RBFOX1: variants seen among roughly 807,000 people sequenced by gnomAD.
The protein encoded by RBFOX1 is RNA binding protein fox-1 homolog 1.
In RBFOX1, 8 loss-of-function variants were observed where a neutral mutation model predicts 57.7. That is an observed-to-expected ratio of 0.14 (90% CI 0.08 to 0.25). RBFOX1 has a LOEUF of 0.25. Among genes scored for constraint, RBFOX1 ranks in the 10% least tolerant of loss-of-function variants. The probability of loss-of-function intolerance (pLI) is 1.00; values close to 1 mark genes in which losing one functional copy is unlikely to be tolerated. For missense variants in RBFOX1, 611 were observed against 548.5 expected (o/e 1.11, Z -1.14); for synonymous variants, 326 against 222.4 (o/e 1.47, Z -4.15).
chr16:5,969,725 G>A (rs575013769), intron 4 of RBFOX1, among the ~76,000 whole-genome samples: 1 of 151,916 alleles, frequency 6.6e-6, no homozygotes, highest in Non-Finnish European at 1.5e-5. Flanking sequence ...TTTTCATGTA[G>A]TTTTAAAAAA....
chr16:5,993,382 TGTGA>T (rs1421324594), intron 4 of RBFOX1, among the ~76,000 whole-genome samples: 33 of 31,992 alleles, frequency 1.0e-3, no homozygotes, highest in Non-Finnish European at 1.7e-3. Context: ...TGTGTGTGTG[TGTGA>T]GAGAGAGAGA....
intron 1 of RBFOX1, among the ~76,000 whole-genome samples, chr16:6,281,898 C>T (rs573685227): frequency 3.4e-4 from 51 of 152,164 alleles, no homozygotes; most frequent in African/African-American, 1.2e-3. Context: ...ACAAGGCTAC[C>T]CCACTGCCCG....
intron 7 of RBFOX1, among the ~76,000 whole-genome samples, chr16:7,591,174 G>C (rs889184110): frequency 6.2e-4 from 95 of 152,166 alleles, no homozygotes; most frequent in African/African-American, 2.2e-3. Context: ...GGAGGGGAAA[G>C]AGGGATGTGT....
chr16:6,411,139 G>A (rs1422221774), intron 2 of RBFOX1, among the ~76,000 whole-genome samples: 2 of 152,124 alleles, frequency 1.3e-5, no homozygotes, highest in South Asian at 2.1e-4. Flanking sequence ...CATCACATAT[G>A]GCCAATTGTT....
chr16:7,493,556 C>T (rs531676082), intron 4 of RBFOX1, among the ~76,000 whole-genome samples: 1 of 151,716 alleles, frequency 6.6e-6, no homozygotes, highest in Admixed American at 6.6e-5. Flanking sequence ...ACAGTACTTA[C>T]AAGGGGGAAC....
At chr16:7,416,280 T>C (rs2098476997) in intron 4 of RBFOX1, among the ~76,000 whole-genome samples, 1 of 152,244 alleles carries the variant, frequency 6.6e-6, no homozygotes, top group South Asian at 2.1e-4. Flanking sequence ...CTCAGACTAC[T>C]CTGTGCCCGG....
At chr16:6,939,418 G>T (rs911820198) in intron 3 of RBFOX1, among the ~76,000 whole-genome samples, 1 of 151,210 alleles carries the variant, frequency 6.6e-6, no homozygotes, top group Non-Finnish European at 1.5e-5. Context: ...TATATATGTA[G>T]CTATATATAG....
chr16:7,313,294 A>G (rs1269846760), intron 4 of RBFOX1, among the ~76,000 whole-genome samples: 2 of 151,998 alleles, frequency 1.3e-5, no homozygotes, highest in Non-Finnish European at 2.9e-5. Flanking sequence ...TTTTCCCCCT[A>G]AGGGTTTGCA....
At chr16:7,703,052 G>T (rs762745452) in intron 14 of RBFOX1, among the ~76,000 whole-genome samples, 1 of 152,228 alleles carries the variant, frequency 6.6e-6, no homozygotes, top group Non-Finnish European at 1.5e-5. Flanking sequence ...GGAAGTGAAA[G>T]AGAACATCCC....
intron 4 of RBFOX1, among the ~76,000 whole-genome samples, chr16:7,429,526 G>A (rs2098657920): frequency 6.6e-6 from 1 of 152,176 alleles, no homozygotes; most frequent in African/African-American, 2.4e-5. Flanking sequence ...TTAGTTTACA[G>A]TAAGCTTCAA....
chr16:7,097,254 G>C (rs2061859382), intron 4 of RBFOX1, among the ~76,000 whole-genome samples: 1 of 152,134 alleles, frequency 6.6e-6, no homozygotes, highest in South Asian at 2.1e-4. Flanking sequence ...GTGGTGGTTA[G>C]AAGGCCATTG....
At chr16:6,056,220 G>A (rs1395246386) in intron 1 of RBFOX1, among the ~76,000 whole-genome samples, 1 of 152,154 alleles carries the variant, frequency 6.6e-6, no homozygotes, top group Non-Finnish European at 1.5e-5. Context: ...CTGAGGATTT[G>A]CATATTATGG....
intron 3 of RBFOX1, among the ~76,000 whole-genome samples, chr16:6,911,559 A>C (rs1463651377): frequency 6.6e-6 from 1 of 152,140 alleles, no homozygotes; most frequent in African/African-American, 2.4e-5. Context: ...GTCATATTGA[A>C]CTATGACCCA....
intron 3 of RBFOX1, among the ~76,000 whole-genome samples, chr16:5,683,827 G>A (rs1045464516): frequency 6.7e-6 from 1 of 148,272 alleles, no homozygotes; most frequent in African/African-American, 2.5e-5. Flanking sequence ...ATAATTTAAT[G>A]TATATTATAT....
At chr16:6,677,271 G>A (rs375110822) in intron 3 of RBFOX1, among the ~76,000 whole-genome samples, 18 of 152,130 alleles carry the variant, frequency 1.2e-4, no homozygotes, top group African/African-American at 4.1e-4. Context: ...CCTGTTAGAA[G>A]GCACAGAATT....
chr16:7,563,736 G>T (rs756540561), intron 5 of RBFOX1, among the ~76,000 whole-genome samples: 35 of 152,222 alleles, frequency 2.3e-4, no homozygotes, highest in Non-Finnish European at 4.7e-4. Context: ...CCAAAGTGCT[G>T]GGATTACAGG....
At chr16:6,046,034 G>A (rs1211333998) in intron 1 of RBFOX1, among the ~76,000 whole-genome samples, 1 of 152,208 alleles carries the variant, frequency 6.6e-6, no homozygotes, top group Non-Finnish European at 1.5e-5. Flanking sequence ...AGAGGATAAG[G>A]ACTTTGAGTG....
chr16:7,013,966 A>G (rs570267477), intron 3 of RBFOX1, among the ~76,000 whole-genome samples: 41 of 152,162 alleles, frequency 2.7e-4, no homozygotes, highest in African/African-American at 8.7e-4. Flanking sequence ...CTAAAATGCT[A>G]TATACTCTAT....
chr16:5,633,202 G>C (rs1017333266), intron 3 of RBFOX1, among the ~76,000 whole-genome samples: 2 of 152,056 alleles, frequency 1.3e-5, no homozygotes, highest in African/African-American at 4.8e-5. Context: ...CTCCCAAAGT[G>C]CTGGGATTAC....
Sources: gnomAD v4.1 joint callset for allele counts (sites outside exome capture counted in the v4.1 genomes callset) on GRCh38, gnomAD v4.1.1 for gene constraint, MANE v1.5 for transcripts, NCBI Gene and HGNC (gene_info 2026-07-23, HGNC 2026-07-21) for gene names.